GRIK1: variants seen among roughly 807,000 people sequenced by gnomAD.
GRIK1 encodes the protein glutamate ionotropic receptor kainate type subunit 1.
GRIK1 carries 69 observed loss-of-function variants against 105.7 expected under a neutral mutation model. The observed-to-expected ratio is 0.65, with a 90% CI of 0.54 to 0.80. The LOEUF is 0.80. GRIK1 is among the 30% of genes least tolerant of loss of function. The pLI, the probability that GRIK1 is intolerant of heterozygous loss-of-function variation, is 0.00. For synonymous variants in GRIK1, 438 were observed against 431.3 expected (o/e 1.02, Z -0.19); for missense variants, 1,109 against 1,167.3 (o/e 0.95, Z 0.73).
chr21:29,560,686 C>T (rs1007687890), intron 15 of GRIK1, among the ~76,000 whole-genome samples: 1 of 150,692 alleles, frequency 6.6e-6, no homozygotes, highest in Non-Finnish European at 1.5e-5. Flanking sequence ...ACTGCAACCT[C>T]CACCTCCCGG....
At chr21:29,574,188 A>T (rs1447106417) in intron 14 of GRIK1, among the ~76,000 whole-genome samples, 1 of 152,184 alleles carries the variant, frequency 6.6e-6, no homozygotes, top group East Asian at 1.9e-4. Context: ...AAATATCCAA[A>T]ATTCTAAAAA....
chr21:29,576,742 G>C (rs2090904075), intron 14 of GRIK1, among the ~76,000 whole-genome samples: 1 of 152,012 alleles, frequency 6.6e-6, no homozygotes, highest in South Asian at 2.1e-4. Flanking sequence ...AATTGGGGTG[G>C]AGTAAATGAC....
chr21:29,610,587 G>A (rs2061710683), intron 7 of GRIK1, among the ~76,000 whole-genome samples: 1 of 152,148 alleles, frequency 6.6e-6, no homozygotes, highest in African/African-American at 2.4e-5. Context: ...CTTGTGAAAG[G>A]CAAGGGAACT....
At chr21:29,871,551 C>T (rs1405857680) in intron 1 of GRIK1, among the ~76,000 whole-genome samples, 1 of 151,962 alleles carries the variant, frequency 6.6e-6, no homozygotes, top group African/African-American at 2.4e-5. Flanking sequence ...TGGTCTCTAC[C>T]ACGAAGGAGC....
intron 7 of GRIK1, among the ~76,000 whole-genome samples, chr21:29,613,814 T>A (rs1283195887): frequency 6.6e-6 from 1 of 152,198 alleles, no homozygotes; most frequent in Non-Finnish European, 1.5e-5. Context: ...AATGTTGAAA[T>A]GCTCTCATCA....
chr21:29,665,738 G>A (rs2063046208), intron 4 of GRIK1, among the ~76,000 whole-genome samples: 1 of 152,172 alleles, frequency 6.6e-6, no homozygotes, highest in African/African-American at 2.4e-5. Flanking sequence ...AGTTGAAGAG[G>A]CATCAACAGA....
intron 1 of GRIK1, among the ~76,000 whole-genome samples, chr21:29,813,384 T>C (rs2067064586): frequency 6.6e-6 from 1 of 152,088 alleles, no homozygotes; most frequent in Non-Finnish European, 1.5e-5. Flanking sequence ...TAAGTTAAAT[T>C]ACCACCTAAT....
In GRIK1 at chr21:29,663,690, C is replaced by T. The variant is rs2063009335; in HGVS notation, c.727-8827G>A. On this transcript the variant is annotated intron_variant, in intron 4 of 17. Transcript: ENST00000327783. Reference sequence around the variant, plus strand: ...AGACATAATAGATATTTTTGCAATACATGTTATAATGACAGTGGGGACAGA... The same window carrying T: ...AGACATAATAGATATTTTTGCAATATATGTTATAATGACAGTGGGGACAGA... Among the ~76,000 whole-genome samples the T allele has an allele frequency of 2.0e-5, 3 of 152,072 alleles. No individual in the cohort carries two copies. The South Asian group carries it at 6.2e-4, about 32-fold the overall frequency.
intron 1 of GRIK1, among the ~76,000 whole-genome samples, chr21:29,719,012 A>G (rs1334782344): frequency 2.0e-5 from 3 of 151,736 alleles, no homozygotes; most frequent in South Asian, 2.1e-4. Context: ...GACTTTGGAG[A>G]TACAGAAATG....
chr21:29,786,737 C>T (rs956903786), intron 1 of GRIK1, among the ~76,000 whole-genome samples: 8 of 152,286 alleles, frequency 5.3e-5, no homozygotes, highest in East Asian at 1.9e-4. Flanking sequence ...TCAAAGCACT[C>T]GCCAGCCCAG....
At chr21:29,619,140 AAAAG>A in intron 7 of GRIK1, among the ~76,000 whole-genome samples, 1 of 147,168 alleles carries the variant, frequency 6.8e-6, no homozygotes, top group Non-Finnish European at 1.5e-5. Context: ...AAAAAAAAAA[AAAAG>A]AATGATACAA....
chr21:29,813,735 A>T (rs2067074327), intron 1 of GRIK1, among the ~76,000 whole-genome samples: 1 of 152,048 alleles, frequency 6.6e-6, no homozygotes, highest in African/African-American at 2.4e-5. Flanking sequence ...TATGATTTGT[A>T]TGCCAGGTTT....
At chr21:29,596,099 T>C in intron 9 of GRIK1, 1 of 312,774 alleles carries the variant, frequency 3.2e-6, no homozygotes, top group Admixed American at 4.5e-5. Flanking sequence ...GGAGGTGTCC[T>C]AGCCTTCTGA....
intron 1 of GRIK1, among the ~76,000 whole-genome samples, chr21:29,918,401 GA>G (rs2071075816): frequency 6.6e-6 from 1 of 152,004 alleles, no homozygotes. Context: ...CAAGAAAATT[GA>G]TGCTAAGAGA....
At chr21:29,630,742 A>G in intron 7 of GRIK1, 1 of 374,112 alleles carries the variant, frequency 2.7e-6, no homozygotes, top group Middle Eastern at 7.6e-4. Flanking sequence ...TTGTTGTTTT[A>G]ACATCCCTAG....
chr21:29,783,954 G>A (rs935491832), intron 1 of GRIK1, among the ~76,000 whole-genome samples: 4 of 151,970 alleles, frequency 2.6e-5, no homozygotes, highest in Non-Finnish European at 4.4e-5. Flanking sequence ...TTTTTTAGAC[G>A]GAGTCTCGCT....
chr21:29,706,561 A>G (rs1461723035), intron 1 of GRIK1, among the ~76,000 whole-genome samples: 1 of 152,240 alleles, frequency 6.6e-6, no homozygotes, highest in African/African-American at 2.4e-5. Flanking sequence ...ATTGACATGA[A>G]TAATGAATGA....
chr21:29,619,505 G>A lies in GRIK1; in HGVS notation c.1099-20568C>T, dbSNP rs543820386. On this transcript the variant is annotated intron_variant, in intron 7 of 17. Coordinates refer to ENST00000327783, the MANE Select transcript of GRIK1 (RefSeq NM_001330994.2). ...GGAAAAGAGTGGGAAGGGGGTGAGCGGTAAAATACTACAAATTGGGTTCCG... is the reference window on the plus strand; with the variant it reads ...GGAAAAGAGTGGGAAGGGGGTGAGCAGTAAAATACTACAAATTGGGTTCCG... 2.6e-5 allele frequency among the ~76,000 whole-genome samples: 4 copies of A among 151,880 alleles called. No individual in the cohort carries two copies. The South Asian group carries it at 8.3e-4, about 32-fold the overall frequency.
chr21:29,914,410 C>T (rs2070924062), intron 1 of GRIK1, among the ~76,000 whole-genome samples: 1 of 152,062 alleles, frequency 6.6e-6, no homozygotes, highest in African/African-American at 2.4e-5. Context: ...AATTCTTCCT[C>T]CTTCTCCATT....
Sources: allele counts gnomAD v4.1 joint callset (sites outside exome capture counted in the v4.1 genomes callset), GRCh38; gene constraint gnomAD v4.1.1; transcripts MANE v1.5; gene names NCBI Gene and HGNC (gene_info 2026-07-23, HGNC 2026-07-21).